Variants in PLOD1 observed in about 807,000 individuals in gnomAD.
PLOD1 encodes procollagen-lysine,2-oxoglutarate 5-dioxygenase 1, also known as lysine hydroxylase.
Under a neutral mutation model 94.7 loss-of-function variants are expected in PLOD1, and 70 were observed. The observed-to-expected ratio is 0.74, with a 90% CI of 0.61 to 0.90. The LOEUF is 0.90. Ranked by LOEUF, PLOD1 falls within the 40% of genes least tolerant of loss-of-function variation. The pLI is 0.00. For missense variants in PLOD1, 905 were observed against 972.7 expected (o/e 0.93, Z 0.93); for synonymous variants, 417 against 400.2 (o/e 1.04, Z -0.50).
At position 11,967,402 on chromosome 1, in the gene PLOD1, G is replaced by T. The variant is rs115100659; in HGVS notation, c.1755+311G>T. Among the ~76,000 whole-genome samples the T allele has an allele frequency of 4.3e-3, 654 of 151,464 alleles. 3 individuals carry two copies. The highest frequency in any genetic ancestry group is 0.015 in the African/African-American group (631 of 41,262). ...GTTCCCTAGACTTCCCCCAGGTGGA[G>T]CTGGGGAGGAAAGGGCCAAGGTGGG... is the stretch of plus-strand genomic sequence containing the variant. On this transcript the variant is annotated intron_variant, in intron 16 of 18. Coordinates refer to ENST00000196061, the MANE Select transcript of PLOD1 (RefSeq NM_000302.4).
intron 1 of PLOD1, among the ~76,000 whole-genome samples, 192 bp downstream of exon 1, chr1:11,935,047 G>A (rs896443633): frequency 6.6e-6 from 1 of 152,330 alleles, no homozygotes; most frequent in Non-Finnish European, 1.5e-5. Context: ...TCCTGCTTCG[G>A]GAAGGAAAGG....
At position 11,974,590 on chromosome 1, in the gene PLOD1, G is replaced by A. The variant is rs759091015; in HGVS notation, c.2029-63G>A. The A allele has an allele frequency of 4.3e-5, 66 of 1,523,162 alleles. No individual in the cohort carries two copies. In the African/African-American group the frequency reaches 8.9e-4, roughly 20 times the overall value. The allele number at this position is 1,523,162 out of a possible 1,614,324, so 94.4% of individuals were successfully genotyped here. On this transcript the variant is annotated intron_variant, in intron 18 of 18. Coordinates refer to ENST00000196061, the MANE Select transcript of PLOD1 (RefSeq NM_000302.4). ...CCACTTGGCCATGACAGGAGATCAT[G>A]ACGGGAGAACAGACGGGCAGGGGGG...
intron 1 of PLOD1, among the ~76,000 whole-genome samples, chr1:11,947,401 G>A (rs1322714325): frequency 6.6e-6 from 1 of 151,880 alleles, no homozygotes; most frequent in Non-Finnish European, 1.5e-5. Flanking sequence ...AAAGCCCCGT[G>A]TCTACTAAAA....
intron 16 of PLOD1, among the ~76,000 whole-genome samples, chr1:11,968,601 C>T (rs936330753): frequency 6.6e-6 from 1 of 150,644 alleles, no homozygotes; most frequent in African/African-American, 2.4e-5. Context: ...GCAACCTCCG[C>T]CTCCCAGGTT....
At chr1:11,955,433 T>C (rs1645731582) in intron 6 of PLOD1, among the ~76,000 whole-genome samples, 1 of 150,786 alleles carries the variant, frequency 6.6e-6, no homozygotes, top group African/African-American at 2.4e-5. Flanking sequence ...AGTTTTCTTA[T>C]CTTTACAAAA....
At chr1:11,944,182 A>T (rs948607037) in intron 1 of PLOD1, among the ~76,000 whole-genome samples, 2 of 151,956 alleles carry the variant, frequency 1.3e-5, no homozygotes, top group Admixed American at 6.6e-5. Flanking sequence ...GTAGTGAGAC[A>T]AGATCTAGCC....
intron 9 of PLOD1, among the ~76,000 whole-genome samples, chr1:11,959,193 A>G (rs139794894): frequency 0.061 from 9,234 of 152,052 alleles, 914 homozygotes; most frequent in African/African-American, 0.21. Flanking sequence ...CAACAAGAGC[A>G]AAACTCCGTC....
At chr1:11,936,358 G>A (rs547159471) in intron 1 of PLOD1, among the ~76,000 whole-genome samples, 1 of 151,546 alleles carries the variant, frequency 6.6e-6, no homozygotes, top group East Asian at 2.0e-4. Flanking sequence ...GTCCCGAGAA[G>A]GGCATAGACT....
chr1:11,962,706 G>A (rs1301382113), intron 10 of PLOD1, among the ~76,000 whole-genome samples: 1 of 152,046 alleles, frequency 6.6e-6, no homozygotes, highest in Admixed American at 6.6e-5. Context: ...CTATGATTGT[G>A]CATTCCAGCT....
At chr1:11,954,804 G>T in intron 5 of PLOD1, 26 bp from the exon 6 acceptor site, 1 of 1,585,464 alleles carries the variant, frequency 6.3e-7, no homozygotes, top group Non-Finnish European at 8.7e-7. Context: ...TGTCCCTGCT[G>T]CAGTCTGGTA....
chr1:11,936,427 C>T (rs759501728), intron 1 of PLOD1, among the ~76,000 whole-genome samples: 12 of 151,584 alleles, frequency 7.9e-5, no homozygotes, highest in Non-Finnish European at 1.8e-4. Context: ...CATTCTCCTC[C>T]TTCAGCTTAC....
At chr1:11,951,701 CG>C (rs1350970683) in intron 4 of PLOD1, among the ~76,000 whole-genome samples, 1 of 149,464 alleles carries the variant, frequency 6.7e-6, no homozygotes, top group Admixed American at 6.7e-5. Flanking sequence ...GGGCGGATCA[CG>C]AGGTCAGGAG....
At chr1:11,962,274 C>CTTTTTT (rs780613164) in intron 10 of PLOD1, among the ~76,000 whole-genome samples, 30 of 99,068 alleles carry the variant, frequency 3.0e-4, no homozygotes, top group Non-Finnish European at 3.6e-4. Context: ...TTTTTGTTTT[C>CTTTTTT]TTTTTTTTTT....
intron 12 of PLOD1, 147 bp from the exon 13 acceptor site, chr1:11,964,497 A>G (rs1645801687): frequency 2.2e-6 from 2 of 929,058 alleles, no homozygotes; most frequent in South Asian, 2.8e-5. Flanking sequence ...GGGGGAATCA[A>G]ATCAGCACAA....
At chr1:11,966,026 C>T (rs1645814553) in intron 14 of PLOD1, among the ~76,000 whole-genome samples, 1 of 152,168 alleles carries the variant, frequency 6.6e-6, no homozygotes, top group African/African-American at 2.4e-5. Context: ...TGCCTGCACA[C>T]AGACATATAC....
intron 16 of PLOD1, among the ~76,000 whole-genome samples, chr1:11,970,247 TCACA>T (rs991367542): frequency 2.6e-5 from 4 of 152,124 alleles, no homozygotes; most frequent in African/African-American, 7.2e-5. Flanking sequence ...TGAGACTCCG[TCACA>T]CACACACAAA....
intron 1 of PLOD1, among the ~76,000 whole-genome samples, chr1:11,940,053 T>G (rs961007821): frequency 1.3e-5 from 2 of 152,070 alleles, no homozygotes; most frequent in African/African-American, 4.8e-5. Context: ...TGTGAGCCAC[T>G]GCACCTGGCT....
At position 11,934,833 on chromosome 1, in the gene PLOD1, G is replaced by A. The variant is rs1266038179; in HGVS notation, c.54G>A (p.Ala18=). 5 of 1,540,062 alleles carry A rather than the reference G, an allele frequency of 3.2e-6. No homozygotes were observed. The East Asian group carries it at 1.2e-4, about 38-fold the overall frequency. The change falls in exon 1 of 19, where the codon GCG becomes GCA. Residue 18 remains alanine (A), a synonymous_variant. Transcript: ENST00000196061. ...TGGGCTGGCTGCTGCTGGCCGAAGC[G>A]AAGGGCGACGCCAAGCCGGAGGGTG... is the stretch of plus-strand genomic sequence containing the variant. The part of the protein sequence containing the change: ...ALLGWLLLAE[A]KGDAKPEDNL...
chr1:11,973,294 G>A (rs1048854493), intron 18 of PLOD1, among the ~76,000 whole-genome samples: 17 of 152,294 alleles, frequency 1.1e-4, no homozygotes, highest in African/African-American at 4.1e-4. Flanking sequence ...GGGGCCAGGA[G>A]TTTGAGACCA....
Sources: allele counts gnomAD v4.1 joint callset (sites outside exome capture counted in the v4.1 genomes callset), GRCh38; gene constraint gnomAD v4.1.1; transcripts MANE v1.5; gene names NCBI Gene and HGNC (gene_info 2026-07-23, HGNC 2026-07-21).